DDX60: variants seen among roughly 807,000 people sequenced by gnomAD.
DDX60 encodes the protein probable ATP-dependent RNA helicase DDX60.
In DDX60, 165 loss-of-function variants were observed where a neutral mutation model predicts 212.8. The ratio of observed to expected loss-of-function variants is 0.78; its 90% CI spans 0.68 to 0.88. The LOEUF (loss-of-function observed/expected upper bound fraction) is 0.88. DDX60 is among the 40% of genes least tolerant of loss of function. The probability of loss-of-function intolerance (pLI) is 0.00; values close to 1 mark genes in which losing one functional copy is unlikely to be tolerated. For synonymous variants in DDX60, 703 were observed against 685.3 expected (o/e 1.03, Z -0.40); for missense variants, 1,905 against 2,003.9 (o/e 0.95, Z 0.94).
At position 168,267,092 on chromosome 4, in the gene DDX60, C is replaced by T. The variant is rs192979016; in HGVS notation, c.3039+490G>A. ...AAGTAATCTTTCCCCACTCACACCC[C>T]GGTGTCCCAGCTGAAATCTTCCTAA... On this transcript the variant is annotated intron_variant, in intron 22 of 37. Transcript: ENST00000393743. 8.1e-4 allele frequency among the ~76,000 whole-genome samples: 123 copies of T among 152,218 alleles called. 1 individual carries two copies. The South Asian group carries it at 0.01, about 13-fold the overall frequency.
intron 19 of DDX60, among the ~76,000 whole-genome samples, chr4:168,269,580 A>G (rs928522263): frequency 1.3e-5 from 2 of 152,094 alleles, no homozygotes; most frequent in Admixed American, 6.5e-5. Flanking sequence ...CAGCCTGGGC[A>G]ACAGAGCGAG....
intron 30 of DDX60, among the ~76,000 whole-genome samples, chr4:168,244,672 C>T (rs1733962265): frequency 6.6e-6 from 1 of 152,018 alleles, no homozygotes; most frequent in Admixed American, 6.6e-5. Flanking sequence ...TTGCAGTGAG[C>T]TGAGATCATG....
chr4:168,283,578 T>C lies in DDX60; in HGVS notation c.1590A>G (p.Arg530=), dbSNP rs372346791. The change falls in exon 13 of 38, where the codon AGA becomes AGG. Residue 530 remains arginine, a synonymous_variant. Transcript: ENST00000393743. Reference sequence around the variant, plus strand: ...GGAAAACATGATACTTTTGCACAGATCTAAGAACACGAGGGTCTCTAGATT... The same window carrying C: ...GGAAAACATGATACTTTTGCACAGACCTAAGAACACGAGGGTCTCTAGATT... ...DEKSRDPRVL[R]SVQKYHVFQR... 1.9e-6 allele frequency: 3 copies of C among 1,610,208 alleles called. No homozygotes were observed. The highest frequency in any genetic ancestry group is 2.5e-6 in the Non-Finnish European group (3 of 1,178,688).
chr4:168,236,947 T>C (rs1018798390), intron 32 of DDX60, among the ~76,000 whole-genome samples: 5 of 151,362 alleles, frequency 3.3e-5, no homozygotes, highest in African/African-American at 1.2e-4. Context: ...TGCTTTACTA[T>C]ATCCTTTTTC....
intron 7 of DDX60, 118 bp from the exon 8 acceptor site, chr4:168,292,024 C>T: frequency 3.9e-6 from 2 of 509,356 alleles, no homozygotes; most frequent in Non-Finnish European, 3.1e-6. Flanking sequence ...ATGAATTATT[C>T]CTTTCTTTCT....
At position 168,273,260 on chromosome 4, in the gene DDX60, A is replaced by G. The variant is rs200615896; in HGVS notation, c.2574+19T>C. 355 of 1,607,456 alleles carry G rather than the reference A, an allele frequency of 2.2e-4. 1 individual carries two copies. In the African/African-American group the frequency reaches 3.8e-3, roughly 17 times the overall value. ...AGTTATATAATTTGATAACACACTT[A>G]TTAATTAAAATACCCTACCTGACAG... On this transcript the variant is annotated intron_variant, in intron 18 of 37. Coordinates refer to ENST00000393743, the MANE Select transcript of DDX60 (RefSeq NM_017631.6).
intron 33 of DDX60, among the ~76,000 whole-genome samples, chr4:168,230,954 A>C (rs1266206356): frequency 6.6e-6 from 1 of 152,098 alleles, no homozygotes; most frequent in East Asian, 1.9e-4. Flanking sequence ...ACCATTAGTG[A>C]GATTAGCCAA....
At chr4:168,276,330 G>A in intron 14 of DDX60, 149 bp from the exon 15 acceptor site, 1 of 576,554 alleles carries the variant, frequency 1.7e-6, no homozygotes, top group South Asian at 2.9e-5. Context: ...AAGTAAAATT[G>A]AAGTTCCACT....
intron 6 of DDX60, among the ~76,000 whole-genome samples, chr4:168,301,347 C>T (rs1736640262): frequency 6.6e-6 from 1 of 150,390 alleles, no homozygotes; most frequent in Admixed American, 6.6e-5. Flanking sequence ...TGCCTTCTTC[C>T]TTGGCAAAGT....
At chr4:168,220,063 A>G (rs1175646722) in intron 37 of DDX60, among the ~76,000 whole-genome samples, 1 of 151,992 alleles carries the variant, frequency 6.6e-6, no homozygotes, top group African/African-American at 2.4e-5. Flanking sequence ...AAAAAGAAAG[A>G]TGGACATGCA....
At chr4:168,237,595 G>C (rs1733674393) in intron 31 of DDX60, 96 bp downstream of exon 31, 1 of 1,217,946 alleles carries the variant, frequency 8.2e-7, no homozygotes, top group African/African-American at 1.5e-5. Context: ...TCAATCATTG[G>C]ATAGAACCTT....
chr4:168,290,298 T>C (rs1319449730), intron 8 of DDX60, among the ~76,000 whole-genome samples: 1 of 151,596 alleles, frequency 6.6e-6, no homozygotes, highest in Admixed American at 6.6e-5. Flanking sequence ...ACTTCACTTC[T>C]CTTCATTTCT....
chr4:168,227,223 T>A lies in DDX60; in HGVS notation c.4534-1547A>T, dbSNP rs556511648. Among the ~76,000 whole-genome samples, 368 of 144,804 alleles carry A rather than the reference T, an allele frequency of 2.5e-3. 1 individual carries two copies. Among genetic ancestry groups the A allele is most frequent in the Middle Eastern group, 0.018 (5 of 280 alleles). The allele number at this position is 144,804 out of a possible 152,430, so 95.0% of individuals were successfully genotyped here. A position where few individuals can be genotyped will look rare whatever the true frequency, so the allele number is the denominator to read the frequency against. On this transcript the variant is annotated intron_variant, in intron 33 of 37. Coordinates refer to ENST00000393743, the MANE Select transcript of DDX60 (RefSeq NM_017631.6). ...CTTTGTGGGAATGTTTTTTTTTTTT[T>A]AAATAATAGATTAAATTTCTTTACT...
the DDX60 span, among the ~76,000 whole-genome samples, chr4:168,323,898 C>T: frequency 6.6e-6 from 1 of 152,310 alleles, no homozygotes; most frequent in African/African-American, 2.4e-5. Flanking sequence ...TTCAGAGACA[C>T]CCTGGTTAAA....
the DDX60 span, among the ~76,000 whole-genome samples, chr4:168,325,014 T>C: frequency 6.6e-6 from 1 of 152,178 alleles, no homozygotes; most frequent in Non-Finnish European, 1.5e-5. Flanking sequence ...ACAGAAAATG[T>C]TAGTGAAATC....
At chr4:168,269,056 C>T in intron 19 of DDX60, 87 bp from the exon 20 acceptor site, 1 of 677,404 alleles carries the variant, frequency 1.5e-6, no homozygotes, top group Non-Finnish European at 2.5e-6. Context: ...TTGAAATTGT[C>T]ATGCATGCCT....
chr4:168,268,781 C>A, intron 20 of DDX60, 73 bp downstream of exon 20: 1 of 853,244 alleles, frequency 1.2e-6, no homozygotes, highest in Non-Finnish European at 1.8e-6. Flanking sequence ...TCCTCAGAAT[C>A]CACAGAGAAA....
intron 35 of DDX60, among the ~76,000 whole-genome samples, chr4:168,222,371 G>C (rs900194859): frequency 6.6e-6 from 1 of 152,052 alleles, no homozygotes; most frequent in Admixed American, 6.6e-5. Flanking sequence ...GTTTTCCCAT[G>C]TCTGCTCATT....
In DDX60 at chr4:168,280,338, C is replaced by T; in HGVS notation, c.1975G>A (p.Glu659Lys). Reference sequence around the variant, plus strand: ...ATAACAAAACAGAATTACATACCTTCTTCACTTCGGCAATGTTCTTTCCAG... The same window carrying T: ...ATAACAAAACAGAATTACATACCTTTTTCACTTCGGCAATGTTCTTTCCAG... ...KAWKEHCRSE[E>K]GKTTKDLSIA... Residue 659 changes from glutamate to lysine, a missense_variant, in exon 14 of 38, where the codon GAA becomes AAA. Physicochemically the swap from Glu to Lys is moderately conservative, Grantham distance 56. Transcript: ENST00000393743. 1 of 1,608,510 alleles carries T rather than the reference C, an allele frequency of 6.2e-7. No individual in the cohort carries two copies. Among genetic ancestry groups the T allele is most frequent in the Non-Finnish European group, 8.5e-7 (1 of 1,177,506 alleles).
Sources: gnomAD v4.1 joint callset for allele counts (sites outside exome capture counted in the v4.1 genomes callset) on GRCh38, gnomAD v4.1.1 for gene constraint, MANE v1.5 for transcripts, NCBI Gene and HGNC (gene_info 2026-07-23, HGNC 2026-07-21) for gene names.